The following CFAP54 variants were observed in gnomAD, a reference collection of about 807,000 sequenced individuals.
CFAP54 encodes the protein cilia and flagella associated protein 54, also known as cilia- and flagella-associated protein 54.
In CFAP54, 290 loss-of-function variants were observed where a neutral mutation model predicts 370.4. The observed-to-expected ratio is 0.78, with a 90% confidence interval of 0.71 to 0.86. The LOEUF is 0.86. Ranked by LOEUF, CFAP54 falls within the 40% of genes least tolerant of loss-of-function variation. The pLI is 0.00. For synonymous variants in CFAP54, 1,206 were observed against 1,236.5 expected (o/e 0.98, Z 0.52); for missense variants, 3,399 against 3,528.7 (o/e 0.96, Z 0.93).
intron 61 of CFAP54, 127 bp from the exon 62 acceptor site, chr12:96,786,548 C>T (rs1364500090): frequency 1.5e-5 from 10 of 666,860 alleles, no homozygotes; most frequent in Admixed American, 3.0e-5. Context: ...AACAGAGGGA[C>T]GTCATTGGCA....
At chr12:96,873,070 A>G (rs949355273) in intron 67 of CFAP54, among the ~76,000 whole-genome samples, 1 of 152,242 alleles carries the variant, frequency 6.6e-6, no homozygotes, top group Non-Finnish European at 1.5e-5. Context: ...TAAACTCACA[A>G]AAATGATGGT....
intron 63 of CFAP54, among the ~76,000 whole-genome samples, chr12:96,794,084 T>G (rs149204233): frequency 7.2e-5 from 11 of 152,324 alleles, no homozygotes; most frequent in African/African-American, 2.4e-4. Context: ...TCTAGCTTGG[T>G]AGGGTTTCTG....
chr12:96,595,012 C>G (rs188255758), intron 25 of CFAP54, among the ~76,000 whole-genome samples: 94 of 152,236 alleles, frequency 6.2e-4, no homozygotes, highest in Admixed American at 4.3e-3. Flanking sequence ...TTAGCTGGGT[C>G]TTCTGTTTAG....
intron 3 of CFAP54, among the ~76,000 whole-genome samples, chr12:96,506,098 G>A (rs889009651): frequency 6.6e-6 from 1 of 152,136 alleles, no homozygotes; most frequent in African/African-American, 2.4e-5. Context: ...CTAGCACTTT[G>A]GGAGGCCGAG....
chr12:96,623,716 A>G (rs2136468353), intron 27 of CFAP54, 51 bp from the exon 28 acceptor site: 2 of 857,056 alleles, frequency 2.3e-6, no homozygotes, highest in Non-Finnish European at 3.7e-6. Flanking sequence ...TGAAAAGGAC[A>G]GTTGTTGCAA....
At chr12:96,520,059 G>T (rs1955286551) in intron 6 of CFAP54, among the ~76,000 whole-genome samples, 1 of 151,958 alleles carries the variant, frequency 6.6e-6, no homozygotes, top group African/African-American at 2.4e-5. Flanking sequence ...ACAGAATCTT[G>T]CTCTGTTGCC....
rs147419155 is a variant in CFAP54 at position 96,633,862 on chromosome 12, T to C, written c.4316+3211T>C. ...TAATTTTGTAAGGCATCCTCCACTC[T>C]TTTGCAGACTGGCTGCACATTTTTA... On this transcript the variant is annotated intron_variant, in intron 32 of 67. Coordinates refer to ENST00000524981, the MANE Select transcript of CFAP54 (RefSeq NM_001306084.2). Among the ~76,000 whole-genome samples, 112 of 152,244 alleles carry C rather than the reference T, an allele frequency of 7.4e-4. 1 individual carries two copies. In the East Asian group the frequency reaches 0.019, roughly 26 times the overall value.
intron 39 of CFAP54, among the ~76,000 whole-genome samples, chr12:96,664,777 C>CTATATCTATATCTATCTA (rs1565934488): frequency 1.3e-4 from 2 of 14,990 alleles, no homozygotes; most frequent in Non-Finnish European, 2.7e-4. Context: ...ATATCTATAT[C>CTATATCTATATCTATCTA]TATATATATA....
chr12:96,797,606 A>G (rs2136708586), intron 63 of CFAP54, among the ~76,000 whole-genome samples: 1 of 152,134 alleles, frequency 6.6e-6, no homozygotes, highest in East Asian at 1.9e-4. Context: ...ATGCTTTTTA[A>G]ATTACATGAC....
intron 50 of CFAP54, among the ~76,000 whole-genome samples, chr12:96,734,939 C>T (rs1376003279): frequency 1.3e-5 from 2 of 151,926 alleles, no homozygotes; most frequent in Non-Finnish European, 2.9e-5. Flanking sequence ...CATAAAATTA[C>T]TGATAAAATT....
At position 96,756,390 on chromosome 12, in the gene CFAP54, A is replaced by G. The variant is rs959435161; in HGVS notation, c.7841-68A>G. On this transcript the variant is annotated intron_variant, in intron 56 of 67. Transcript: ENST00000524981. ...AAATATTCTGAATTTCCAGCATGAA[A>G]TATTTGTTCTTAAGTTCTAAGTGCT... 4 of 833,074 alleles carry G rather than the reference A, an allele frequency of 4.8e-6. No homozygotes were observed. In the African/African-American group the frequency reaches 6.9e-5, roughly 14 times the overall value. The allele number at this position is 833,074 out of a possible 1,614,324, so 51.6% of individuals were successfully genotyped here.
chr12:96,798,925 C>T (rs898192050), intron 63 of CFAP54, among the ~76,000 whole-genome samples: 6 of 152,028 alleles, frequency 3.9e-5, no homozygotes, highest in Non-Finnish European at 7.4e-5. Context: ...GCCTAACCAG[C>T]GAATTAAGTA....
At chr12:96,858,376 A>C (rs1398440870) in intron 66 of CFAP54, among the ~76,000 whole-genome samples, 1 of 152,114 alleles carries the variant, frequency 6.6e-6, no homozygotes, top group East Asian at 1.9e-4. Flanking sequence ...TCAGTTCCTC[A>C]TAGATGCTGG....
intron 67 of CFAP54, among the ~76,000 whole-genome samples, chr12:96,874,910 C>T (rs894781630): frequency 1.3e-5 from 2 of 152,006 alleles, no homozygotes; most frequent in African/African-American, 4.8e-5. Flanking sequence ...AGCCACCGCG[C>T]CCGGCCGGGA....
At chr12:96,837,460 T>C (rs1181045340) in intron 66 of CFAP54, among the ~76,000 whole-genome samples, 1 of 152,256 alleles carries the variant, frequency 6.6e-6, no homozygotes, top group South Asian at 2.1e-4. Context: ...CCATGGTTTA[T>C]AACTTTGTAC....
At chr12:96,862,560 A>G (rs1192264222) in intron 67 of CFAP54, among the ~76,000 whole-genome samples, 1 of 152,204 alleles carries the variant, frequency 6.6e-6, no homozygotes, top group African/African-American at 2.4e-5. Context: ...CCTGGCCTCC[A>G]GGGCAGATAA....
At chr12:96,837,712 G>C (rs562007061) in intron 66 of CFAP54, among the ~76,000 whole-genome samples, 3 of 152,298 alleles carry the variant, frequency 2.0e-5, no homozygotes, top group Admixed American at 2.0e-4. Flanking sequence ...CATTAACAGT[G>C]ATTTCGAGGC....
Position 96,507,052 on chromosome 12 carries a change from T to C in CFAP54, c.692T>C (p.Met231Thr), listed in dbSNP as rs1269433286. 1 of 1,534,944 alleles carries C rather than the reference T, an allele frequency of 6.5e-7. No individual in the cohort carries two copies. The highest frequency in any genetic ancestry group is 8.7e-7 in the Non-Finnish European group (1 of 1,146,546). Residue 231 changes from methionine (M) to threonine (T), a missense_variant, in exon 4 of 68, where the codon ATG becomes ACG. Met to Thr is a moderately conservative substitution (Grantham distance 81, BLOSUM62 -1). Around this residue, in one of 3 missense-constraint regions of CFAP54, gnomAD observed 559 missense variants for 576.7 expected, o/e 0.97. Coordinates refer to ENST00000524981, the MANE Select transcript of CFAP54 (RefSeq NM_001306084.2). ...ATCTTGTCCTCCTTAAGGCTCATCA[T>C]GCAAGTGGCTCTGCCACAAGAGCAT... The part of the protein sequence containing the change: ...LHILSSLRLI[M>T]QVALPQEHLC...
chr12:96,788,982 A>T (rs1403618080), intron 62 of CFAP54, among the ~76,000 whole-genome samples: 1 of 152,208 alleles, frequency 6.6e-6, no homozygotes, highest in Admixed American at 6.5e-5. Flanking sequence ...AGTAAAACAG[A>T]TTGGGATTTA....
Sources: gnomAD v4.1 joint callset for allele counts (sites outside exome capture counted in the v4.1 genomes callset) on GRCh38, gnomAD v4.1.1 for gene constraint, gnomAD v4.1.1 regional missense constraint, MANE v1.5 for transcripts, NCBI Gene and HGNC (gene_info 2026-07-23, HGNC 2026-07-21) for gene names.